RTL1: variants seen among roughly 807,000 people sequenced by gnomAD.
The protein encoded by RTL1 is retrotransposon Gag like 1.
For missense variants in RTL1, 1,681 were observed against 1,767.5 expected (o/e 0.95, Z 0.88); for synonymous variants, 727 against 748.4 (o/e 0.97, Z 0.47).
In RTL1 at chr14:100,881,038, C is replaced by T. The variant is rs199509151; in HGVS notation, c.3751G>A (p.Gly1251Ser). 283 of 1,598,930 alleles carry T rather than the reference C, an allele frequency of 1.8e-4. No individual in the cohort carries two copies. Among genetic ancestry groups the T allele is most frequent in the Non-Finnish European group, 2.3e-4 (275 of 1,172,882 alleles). ...QRYRQCGLHD[G>S]LQDTSQDKQD... ...TTGTCCTGCGAGGTGTCTTGCAGGC[C>T]GTCATGCAGGCCACACTGACGGTAA... Residue 1251 changes from glycine (G) to serine (S), a missense_variant, in exon 4 of 4, where the codon GGC (glycine) becomes AGC (serine). Transcript: ENST00000649591. The surrounding 1 kb of genome is among the most constrained non-coding windows in gnomAD (Gnocchi z 6.6).
chr14:100,883,777 G>A lies in RTL1; in HGVS notation c.1012C>T (p.Leu338=). The A allele has an allele frequency of 6.4e-7, 1 of 1,551,690 alleles. No individual in the cohort carries two copies. Among genetic ancestry groups the A allele is most frequent in the Non-Finnish European group, 8.7e-7 (1 of 1,146,994 alleles). The part of the protein sequence containing the change: ...QGLNEEIRHY[L]FRVPQPDSLD... ...GAATCCGGCTGAGGGACCCGGAATA[G>A]ATAGTGCCTGATCTCCTCGTTGAGC... The change falls in exon 4 of 4, where the codon CTA becomes TTA. Residue 338 remains leucine, a synonymous_variant. Coordinates refer to ENST00000649591, the MANE Select transcript of RTL1 (RefSeq NM_001134888.3). The surrounding 1 kb of genome is among the most constrained non-coding windows in gnomAD (Gnocchi z 5.9).
At chr14:100,897,152 A>C (rs1016089304) in intron 2 of RTL1, among the ~76,000 whole-genome samples, 1 of 152,154 alleles carries the variant, frequency 6.6e-6, no homozygotes, top group Non-Finnish European at 1.5e-5. Context: ...GATATTTTTT[A>C]AAAAACATAT....
At chr14:100,891,623 C>A (rs994147582) in intron 3 of RTL1, among the ~76,000 whole-genome samples, 5 of 152,222 alleles carry the variant, frequency 3.3e-5, no homozygotes, top group Non-Finnish European at 7.3e-5. Context: ...CCCAGAATAA[C>A]CCTGGGAAGG....
At chr14:100,887,139 C>T (rs948557283) in intron 3 of RTL1, among the ~76,000 whole-genome samples, 2 of 152,130 alleles carry the variant, frequency 1.3e-5, no homozygotes, top group Non-Finnish European at 2.9e-5. Context: ...AAAATTTTCA[C>T]CGTGTAATTT....
chr14:100,890,833 G>C (rs1387257495), intron 3 of RTL1, among the ~76,000 whole-genome samples: 16 of 152,178 alleles, frequency 1.1e-4, no homozygotes. Flanking sequence ...GCCTGCTGTG[G>C]CCTCCTGTGG....
At chr14:100,886,600 C>T (rs370143607) in intron 3 of RTL1, among the ~76,000 whole-genome samples, 1 of 152,278 alleles carries the variant, frequency 6.6e-6, no homozygotes, top group South Asian at 2.1e-4. Context: ...TCATCATCAT[C>T]ATCATGATGT....
intron 2 of RTL1, among the ~76,000 whole-genome samples, chr14:100,902,592 C>G (rs1414304580): frequency 6.6e-6 from 1 of 150,816 alleles, no homozygotes; most frequent in South Asian, 2.1e-4. Flanking sequence ...CCGGCCAGCC[C>G]TGGTCAGCCC....
rs1458881469 is a variant in RTL1, at chr14:100,881,033, C to T, written c.3756G>A (p.Leu1252=). 6.3e-6 allele frequency: 10 copies of T among 1,597,690 alleles called. No individual in the cohort carries two copies. The Admixed American group carries it at 1.4e-4, about 22-fold the overall frequency. The change falls in exon 4 of 4, where the codon CTG becomes CTA. Residue 1252 remains leucine, a synonymous_variant. Coordinates refer to ENST00000649591, the MANE Select transcript of RTL1 (RefSeq NM_001134888.3). This position sits in a 1 kb window ranked among gnomAD's most constrained non-coding sequence, Gnocchi z 6.6. ...RYRQCGLHDG[L]QDTSQDKQDN... is the part of the protein sequence containing the mutation. Reference sequence around the variant, plus strand: ...CCTGCTTGTCCTGCGAGGTGTCTTGCAGGCCGTCATGCAGGCCACACTGAC... The same window carrying T: ...CCTGCTTGTCCTGCGAGGTGTCTTGTAGGCCGTCATGCAGGCCACACTGAC...
chr14:100,901,477 G>A (rs549128799), intron 2 of RTL1, among the ~76,000 whole-genome samples: 201 of 152,308 alleles, frequency 1.3e-3, no homozygotes, highest in African/African-American at 4.7e-3. Flanking sequence ...CCCGACTCCC[G>A]TGTGGGCTGC....
Position 100,881,332 on chromosome 14 carries a change from C to G in RTL1, c.3457G>C (p.Val1153Leu), listed in dbSNP as rs368439404. The G allele has an allele frequency of 1.3e-6, 2 of 1,550,474 alleles. No homozygotes were observed. The highest frequency in any genetic ancestry group is 1.7e-6 in the Non-Finnish European group (2 of 1,146,998). The change falls in exon 4 of 4, where the codon GTA becomes CTA. Residue 1153 changes from valine (V) to leucine (L), a missense_variant. By Grantham distance (32) the Val-to-Leu change is conservative. Transcript: ENST00000649591. The surrounding 1 kb of genome is among the most constrained non-coding windows in gnomAD (Gnocchi z 6.6). ...TGGGCTGGGATGGTGTTTGCACCTA[C>G]GAGAGCGGGCATCTGGGTGAGCAGC... ...TQLLTQMPAL[V>L]GANTIPAQEL...
At position 100,883,224 on chromosome 14, in the gene RTL1, C is replaced by T. The variant is rs1479806920; in HGVS notation, c.1565G>A (p.Arg522His). Residue 522 changes from arginine to histidine, a missense_variant, in exon 4 of 4, where the codon CGC becomes CAC. By Grantham distance (29) the Arg-to-His change is conservative (BLOSUM62 0). Coordinates refer to ENST00000649591, the MANE Select transcript of RTL1 (RefSeq NM_001134888.3). This position sits in a 1 kb window ranked among gnomAD's most constrained non-coding sequence, Gnocchi z 5.9. ...GCAGTAGGGAGAGTGGAAGGTGCAG[C>T]GGCCTTTGATCCAGTCGACTTCGGG... The part of the protein sequence containing the change: ...HAPEVDWIKG[R>H]CTFHSPYCLK... 1 of 1,553,376 alleles carries T rather than the reference C, an allele frequency of 6.4e-7. No individual in the cohort carries two copies. The highest frequency in any genetic ancestry group is 8.7e-7 in the Non-Finnish European group (1 of 1,147,716).
At chr14:100,888,902 C>T (rs1433964886) in intron 3 of RTL1, among the ~76,000 whole-genome samples, 1 of 152,136 alleles carries the variant, frequency 6.6e-6, no homozygotes, top group East Asian at 1.9e-4. Flanking sequence ...AATTGGCACT[C>T]CCCCAAGATA....
At position 100,881,074 on chromosome 14, in the gene RTL1, C is replaced by T. The variant is rs775741559; in HGVS notation, c.3715G>A (p.Asp1239Asn). The change falls in exon 4 of 4, where the codon GAC becomes AAC. Residue 1239 changes from aspartate to asparagine, a missense_variant. Coordinates refer to ENST00000649591, the MANE Select transcript of RTL1 (RefSeq NM_001134888.3). This position sits in a 1 kb window ranked among gnomAD's most constrained non-coding sequence, Gnocchi z 6.6. ...DVVLREALQD[D>N]LQRYRQCGLH... ...CCACACTGACGGTAACGTTGCAGGT[C>T]GTCTTGCAGGGCTTCTCGCAAGACG... 3.1e-6 allele frequency: 5 copies of T among 1,601,830 alleles called. No homozygotes were observed. The highest frequency in any genetic ancestry group is 2.3e-5 in the East Asian group (1 of 44,304).
chr14:100,883,548 A>G lies in RTL1; in HGVS notation c.1241T>C (p.Met414Thr), dbSNP rs2038652164. The G allele has an allele frequency of 6.4e-7, 1 of 1,551,420 alleles. No homozygotes were observed. The highest frequency in any genetic ancestry group is 8.7e-7 in the Non-Finnish European group (1 of 1,146,996). Residue 414 changes from methionine (M) to threonine (T), a missense_variant, in exon 4 of 4, where the codon ATG (methionine) becomes ACG (threonine). Physicochemically the swap from Met to Thr is moderately conservative, Grantham distance 81. Coordinates refer to ENST00000649591, the MANE Select transcript of RTL1 (RefSeq NM_001134888.3). The surrounding 1 kb of genome is among the most constrained non-coding windows in gnomAD (Gnocchi z 5.9). ...GCTGTGGTAGGGGTTCACTCTCACC[A>G]TGAGCAGCAGGAAGAGGTGGGCGCG... ...INRAHLFLLL[M>T]VRVNPYHSVA...
intron 3 of RTL1, among the ~76,000 whole-genome samples, chr14:100,885,853 C>T (rs1435571557): frequency 6.6e-6 from 1 of 152,180 alleles, no homozygotes; most frequent in East Asian, 1.9e-4. Flanking sequence ...GCCAGTGGGT[C>T]TGGTCTCCTC....
At chr14:100,887,709 C>G (rs574109838) in intron 3 of RTL1, among the ~76,000 whole-genome samples, 1 of 151,758 alleles carries the variant, frequency 6.6e-6, no homozygotes, top group Non-Finnish European at 1.5e-5. Context: ...GAGATTGCGC[C>G]GCTGCACTCC....
intron 2 of RTL1, among the ~76,000 whole-genome samples, chr14:100,898,639 T>A (rs1158564780): frequency 6.6e-6 from 1 of 152,266 alleles, no homozygotes; most frequent in Non-Finnish European, 1.5e-5. Context: ...GGTGTTTACC[T>A]GCTAGGCGCA....
chr14:100,885,183 C>G (rs965725479), intron 3 of RTL1, among the ~76,000 whole-genome samples: 1 of 152,234 alleles, frequency 6.6e-6, no homozygotes, highest in Non-Finnish European at 1.5e-5. Context: ...CCGTGGCAGG[C>G]GGGTACCTGG....
intron 2 of RTL1, among the ~76,000 whole-genome samples, chr14:100,902,505 T>C (rs892088914): frequency 1.3e-5 from 2 of 152,200 alleles, no homozygotes; most frequent in Non-Finnish European, 2.9e-5. Flanking sequence ...TTGGGTTTTC[T>C]ATGGCCCCTT....
Sources: gnomAD v4.1 joint callset for allele counts (sites outside exome capture counted in the v4.1 genomes callset) on GRCh38, gnomAD v4.1.1 for gene constraint, Gnocchi (gnomAD v3.1) non-coding constraint, MANE v1.5 for transcripts, NCBI Gene and HGNC (gene_info 2026-07-23, HGNC 2026-07-21) for gene names.